Variants in RIIAD1 observed in about 807,000 individuals in gnomAD.
RIIAD1 encodes the protein regulatory subunit of type II PKA R-subunit domain containing 1.
Under a neutral mutation model 13.3 loss-of-function variants are expected in RIIAD1, and 15 were observed. The ratio of observed to expected loss-of-function variants is 1.13; its 90% CI spans 0.76 to 1.74. RIIAD1 has a LOEUF of 1.74. Among genes scored for constraint, RIIAD1 ranks in the 40% most tolerant of loss-of-function variants. The pLI is 0.00. For missense variants in RIIAD1, 121 were observed against 112.2 expected, an observed-to-expected ratio of 1.08 and a Z score of -0.35; for synonymous variants, 50 against 43.3, an observed-to-expected ratio of 1.16 and a Z score of -0.61.
upstream of RIIAD1, among the ~76,000 whole-genome samples, chr1:151,719,032 C>T (rs1278416313): frequency 1.3e-5 from 2 of 152,158 alleles, no homozygotes; most frequent in Non-Finnish European, 2.9e-5. Flanking sequence ...TAAACATTCA[C>T]AAAAATGAAT....
intron 2 of RIIAD1, among the ~76,000 whole-genome samples, chr1:151,712,871 C>T (rs535011941): frequency 6.6e-6 from 1 of 152,156 alleles, no homozygotes; most frequent in East Asian, 1.9e-4. Context: ...AACAGTTATG[C>T]AGGAGCTGAC....
chr1:151,712,981 G>A (rs960814990), intron 2 of RIIAD1, among the ~76,000 whole-genome samples: 2 of 152,112 alleles, frequency 1.3e-5, no homozygotes. Flanking sequence ...GGAGAATGCA[G>A]GTAGCAGGAG....
chr1:151,715,324 C>G (rs1344854076), intron 4 of RIIAD1, among the ~76,000 whole-genome samples: 1 of 152,070 alleles, frequency 6.6e-6, no homozygotes, highest in Non-Finnish European at 1.5e-5. Context: ...ACTCTCTTAA[C>G]TTTCTAAGCC....
At chr1:151,714,358 C>T in intron 3 of RIIAD1, 1 of 614,376 alleles carries the variant, frequency 1.6e-6, no homozygotes, top group Non-Finnish European at 2.9e-6. Context: ...GGGGAAGGGG[C>T]TGCATCTGCT....
chr1:151,714,580 A>G, intron 4 of RIIAD1: 1 of 1,549,538 alleles, frequency 6.5e-7, no homozygotes, highest in Non-Finnish European at 8.7e-7. Context: ...GGCCCTGCAA[A>G]GGGCAGGACT....
At chr1:151,727,287 C>G (rs1673847379) in intron 2 of RIIAD1, among the ~76,000 whole-genome samples, 1 of 152,156 alleles carries the variant, frequency 6.6e-6, no homozygotes, top group Admixed American at 6.5e-5. Flanking sequence ...CACACATAAA[C>G]AAGATTGTTG....
At chr1:151,712,982 G>A (rs1673153332) in intron 2 of RIIAD1, among the ~76,000 whole-genome samples, 1 of 152,122 alleles carries the variant, frequency 6.6e-6, no homozygotes, top group Admixed American at 6.5e-5. Context: ...GAGAATGCAG[G>A]TAGCAGGAGA....
At chr1:151,727,087 G>C (rs773389953) in intron 2 of RIIAD1, among the ~76,000 whole-genome samples, 1 of 152,126 alleles carries the variant, frequency 6.6e-6, no homozygotes, top group Non-Finnish European at 1.5e-5. Context: ...CTGGGAGTTA[G>C]AAACCAGCCT....
At chr1:151,724,935 G>A (rs1462675221) in intron 2 of RIIAD1, among the ~76,000 whole-genome samples, 1 of 151,776 alleles carries the variant, frequency 6.6e-6, no homozygotes, top group Non-Finnish European at 1.5e-5. Context: ...GAGTAGCTAG[G>A]ACTATAGGCA....
At position 151,729,791 on chromosome 1, in the gene RIIAD1, A is replaced by G. The variant is rs1647300432; in HGVS notation, c.*361A>G. On this transcript the variant is annotated 3_prime_UTR_variant, in exon 5 of 5. Coordinates refer to ENST00000479191, the MANE Select transcript of RIIAD1 (RefSeq NM_001144956.3). ...CACAGCTGATCACGGGGGCACAGAA[A>G]CAAGCAAGTCCATGCTTCAGCTGTG... 6.6e-6 allele frequency: 1 copy of G among 152,224 alleles called. No individual in the cohort carries two copies. The highest frequency in any genetic ancestry group is 6.5e-5 in the Admixed American group (1 of 15,272). 9.4% of individuals were successfully genotyped at this position (152,224 alleles called of 1,614,324 possible). A position where few individuals can be genotyped will look rare whatever the true frequency, so the allele number is the denominator to read the frequency against.
chr1:151,714,471 A>G, exon 4 of RIIAD1: 1 of 747,004 alleles, frequency 1.3e-6, no homozygotes. Flanking sequence ...CTACAGAGAG[A>G]GAGGGGGACT....
At chr1:151,717,444 C>A (rs1673565288), upstream of RIIAD1, among the ~76,000 whole-genome samples, 1 of 152,276 alleles carries the variant, frequency 6.6e-6, no homozygotes, top group Non-Finnish European at 1.5e-5. Flanking sequence ...GCCCCCTTCT[C>A]TCCCTCTGGG....
At chr1:151,725,781 C>T (rs1373507857) in intron 2 of RIIAD1, among the ~76,000 whole-genome samples, 1 of 152,220 alleles carries the variant, frequency 6.6e-6, no homozygotes, top group Non-Finnish European at 1.5e-5. Flanking sequence ...AATATTCCAG[C>T]ATGTGTTATG....
At position 151,712,913 on chromosome 1, in the gene RIIAD1, ACACT is replaced by A. The variant is rs899542266; in HGVS notation, c.-185-553_-185-550del. Among the ~76,000 whole-genome samples, 361 of 152,290 alleles carry A rather than the reference ACACT, an allele frequency of 2.4e-3. 2 individuals carry two copies. The highest frequency in any genetic ancestry group is 8.2e-3 in the African/African-American group (340 of 41,564). On this transcript the variant is annotated intron_variant, in intron 2 of 8. Coordinates refer to the RIIAD1 transcript ENST00000326413. Reference sequence around the variant, plus strand: ...CACACACATGCGTGTGCATGCACACACACTCATGCATGCACACACACACTGCATG... The same window carrying A: ...CACACACATGCGTGTGCATGCACACACATGCATGCACACACACACTGCATG...
At chr1:151,726,736 C>T (rs1673834809) in intron 2 of RIIAD1, among the ~76,000 whole-genome samples, 2 of 152,294 alleles carry the variant, frequency 1.3e-5, no homozygotes, top group East Asian at 1.9e-4. Flanking sequence ...AAACTCTATG[C>T]AATGTAAGGC....
chr1:151,727,091 C>G (rs1673844216), intron 2 of RIIAD1, among the ~76,000 whole-genome samples: 1 of 152,118 alleles, frequency 6.6e-6, no homozygotes, highest in African/African-American at 2.4e-5. Context: ...GAGTTAGAAA[C>G]CAGCCTGGGC....
At chr1:151,714,362 A>C in intron 3 of RIIAD1, 1 of 619,056 alleles carries the variant, frequency 1.6e-6, no homozygotes. Context: ...AAGGGGCTGC[A>C]TCTGCTCCTG....
At chr1:151,719,163 A>G (rs1344773015), upstream of RIIAD1, among the ~76,000 whole-genome samples, 1 of 152,166 alleles carries the variant, frequency 6.6e-6, no homozygotes. Flanking sequence ...CTGAGAGAAG[A>G]GGCAGGGTTT....
At chr1:151,715,513 G>T in intron 4 of RIIAD1, 1 of 804,690 alleles carries the variant, frequency 1.2e-6, no homozygotes, top group Non-Finnish European at 1.8e-6. Context: ...TCTCAGTCTT[G>T]CTGCACACGC....
Sources: gnomAD v4.1 joint callset for allele counts (sites outside exome capture counted in the v4.1 genomes callset) on GRCh38, gnomAD v4.1.1 for gene constraint, MANE v1.5 for transcripts, NCBI Gene and HGNC (gene_info 2026-07-23, HGNC 2026-07-21) for gene names.